PCDH17: variants seen among roughly 807,000 people sequenced by gnomAD.
The protein encoded by PCDH17 is protocadherin 17.
A neutral mutation model predicts 67.7 loss-of-function variants in PCDH17; 21 were observed. That is an observed-to-expected ratio of 0.31 (90% CI 0.22 to 0.45). The LOEUF (loss-of-function observed/expected upper bound fraction) is 0.45. Among genes scored for constraint, PCDH17 ranks in the 20% least tolerant of loss-of-function variants. The pLI, the probability that PCDH17 is intolerant of heterozygous loss-of-function variation, is 1.00. For synonymous variants in PCDH17, 701 were observed against 656.7 expected, an observed-to-expected ratio of 1.07 and a Z score of -1.03; for missense variants, 1,471 against 1,564.8, an observed-to-expected ratio of 0.94 and a Z score of 1.01.
chr13:57,721,588 A>G (rs1566248797), intron 3 of PCDH17, among the ~76,000 whole-genome samples: 1 of 152,158 alleles, frequency 6.6e-6, no homozygotes, highest in Non-Finnish European at 1.5e-5. Context: ...GCACTTAAAA[A>G]TGTGCAATAG....
chr13:57,640,734 G>T (rs1222346647), intron 1 of PCDH17, among the ~76,000 whole-genome samples: 1 of 152,038 alleles, frequency 6.6e-6, no homozygotes, highest in East Asian at 1.9e-4. Flanking sequence ...CTGGAAGCAT[G>T]TGAGAATGTA....
intron 3 of PCDH17, among the ~76,000 whole-genome samples, chr13:57,716,218 A>C (rs1242435765): frequency 3.3e-5 from 5 of 152,020 alleles, no homozygotes; most frequent in Non-Finnish European, 7.4e-5. Flanking sequence ...TTTCCAATCA[A>C]CCACCGAAAT....
chr13:57,685,570 C>T (rs1955497231), intron 3 of PCDH17, among the ~76,000 whole-genome samples: 1 of 151,870 alleles, frequency 6.6e-6, no homozygotes, highest in Non-Finnish European at 1.5e-5. Flanking sequence ...GAATACCAGT[C>T]TAAAAATTAT....
Position 57,724,796 on chromosome 13 carries a change from GA to G in PCDH17, c.2987del (p.Lys996ArgfsTer24). The G allele has an allele frequency of 1.2e-6, 2 of 1,614,118 alleles. No homozygotes were observed. Among genetic ancestry groups the G allele is most frequent in the Non-Finnish European group, 1.7e-6 (2 of 1,180,018 alleles). ...CTTACGAAACTGTGAATCCCACTGGGAAAAAGACTTTTTGTACATTTGGAAA... is the reference window on the plus strand; with the variant it reads ...CTTACGAAACTGTGAATCCCACTGGGAAAAGACTTTTTGTACATTTGGAAA... ...ETYETVNPTG[K>X]KTFCTFGKDK... On this transcript the variant is annotated frameshift_variant, in exon 4 of 4. Coordinates refer to ENST00000377918, the MANE Select transcript of PCDH17 (RefSeq NM_001040429.3). LOFTEE classifies it high-confidence loss of function.
At chr13:57,705,194 A>T (rs551919817) in intron 3 of PCDH17, among the ~76,000 whole-genome samples, 3 of 152,060 alleles carry the variant, frequency 2.0e-5, no homozygotes, top group South Asian at 2.1e-4. Flanking sequence ...AATAACCCAT[A>T]TTGCTAATAT....
intron 3 of PCDH17, among the ~76,000 whole-genome samples, chr13:57,684,910 A>C (rs1015034578): frequency 3.3e-5 from 5 of 152,004 alleles, no homozygotes; most frequent in Non-Finnish European, 5.9e-5. Flanking sequence ...TTCTTCTAAC[A>C]TAACCAAATT....
At chr13:57,649,340 T>G (rs1211118359) in intron 1 of PCDH17, among the ~76,000 whole-genome samples, 2 of 152,126 alleles carry the variant, frequency 1.3e-5, no homozygotes, top group Admixed American at 1.3e-4. Context: ...ACAGGGAAGC[T>G]TTTCCTAAAG....
chr13:57,718,296 T>A (rs1286988935), intron 3 of PCDH17, among the ~76,000 whole-genome samples: 1 of 151,972 alleles, frequency 6.6e-6, no homozygotes, highest in Non-Finnish European at 1.5e-5. Flanking sequence ...TCCAGGAAAT[T>A]TGTAATATTA....
chr13:57,717,844 ATAG>A (rs1172647205), intron 3 of PCDH17, among the ~76,000 whole-genome samples: 2 of 152,000 alleles, frequency 1.3e-5, no homozygotes, highest in Non-Finnish European at 2.9e-5. Context: ...ATTTTTTCTC[ATAG>A]TAGTTTTATT....
At chr13:57,702,776 C>A (rs1438608096) in intron 3 of PCDH17, among the ~76,000 whole-genome samples, 1 of 152,076 alleles carries the variant, frequency 6.6e-6, no homozygotes, top group Non-Finnish European at 1.5e-5. Flanking sequence ...CCCACATAGA[C>A]CCATAGGAGA....
Position 57,634,829 on chromosome 13 carries a change from G to C in PCDH17, c.2283G>C (p.Lys761Asn). ...GTGGGGGCAAGGGCAAGAAGAAGAA[G>C]ATCAACAAAAATGATATCATGCTGG... is the stretch of plus-strand genomic sequence containing the variant. Reference protein sequence around the residue: ...QLGGGKGKKKKINKNDIMLVQ... With the variant: ...QLGGGKGKKKNINKNDIMLVQ... The change falls in exon 1 of 4, where the codon AAG becomes AAC. Residue 761 changes from lysine to asparagine, a missense_variant. Lys to Asn is a moderately conservative substitution (Grantham distance 94). Coordinates refer to ENST00000377918, the MANE Select transcript of PCDH17 (RefSeq NM_001040429.3). The surrounding 1 kb of genome is among the most constrained non-coding windows in gnomAD (Gnocchi z 7.8). 1 of 1,614,100 alleles carries C rather than the reference G, an allele frequency of 6.2e-7. No homozygotes were observed. The highest frequency in any genetic ancestry group is 8.5e-7 in the Non-Finnish European group (1 of 1,180,030).
chr13:57,705,176 C>T (rs1003240701), intron 3 of PCDH17, among the ~76,000 whole-genome samples: 1 of 151,722 alleles, frequency 6.6e-6, no homozygotes, highest in African/African-American at 2.4e-5. Flanking sequence ...TTGAGAAATG[C>T]CTTTGCTAAT....
chr13:57,696,641 G>T (rs1431307082), intron 3 of PCDH17, among the ~76,000 whole-genome samples: 3 of 151,366 alleles, frequency 2.0e-5, no homozygotes, highest in African/African-American at 7.3e-5. Context: ...ACATTTCAAA[G>T]AATTAGTAAT....
chr13:57,638,275 A>G (rs940621965), intron 1 of PCDH17, among the ~76,000 whole-genome samples: 2 of 152,064 alleles, frequency 1.3e-5, no homozygotes, highest in Non-Finnish European at 2.9e-5. Flanking sequence ...TAAAGAGTTT[A>G]TTACTAGTTC....
At chr13:57,672,805 A>G (rs1322209710) in intron 3 of PCDH17, among the ~76,000 whole-genome samples, 1 of 151,926 alleles carries the variant, frequency 6.6e-6, no homozygotes, top group Non-Finnish European at 1.5e-5. Flanking sequence ...CCTTCCCATA[A>G]CAGACAACAG....
chr13:57,635,238 G>T (rs1282104999), intron 1 of PCDH17, 127 bp downstream of exon 1: 3 of 948,390 alleles, frequency 3.2e-6, no homozygotes, highest in East Asian at 2.5e-5. Context: ...AAATGAAAAC[G>T]GTTTACACTT....
chr13:57,721,299 A>G (rs1027545633), intron 3 of PCDH17, among the ~76,000 whole-genome samples: 1 of 152,142 alleles, frequency 6.6e-6, no homozygotes, highest in Non-Finnish European at 1.5e-5. Context: ...GAACCTGAAG[A>G]AAAAAGTGAA....
At chr13:57,651,870 A>G (rs1955044939) in intron 1 of PCDH17, among the ~76,000 whole-genome samples, 1 of 152,194 alleles carries the variant, frequency 6.6e-6, no homozygotes. Context: ...AAATTACATA[A>G]AACATTCTGG....
chr13:57,682,495 T>A (rs1188786983), intron 3 of PCDH17, among the ~76,000 whole-genome samples: 1 of 151,788 alleles, frequency 6.6e-6, no homozygotes, highest in Non-Finnish European at 1.5e-5. Flanking sequence ...CAGTGTAAAC[T>A]TTTAACCTTG....
Sources: gnomAD v4.1 joint callset for allele counts (sites outside exome capture counted in the v4.1 genomes callset) on GRCh38, gnomAD v4.1.1 for gene constraint, Gnocchi (gnomAD v3.1) non-coding constraint, MANE v1.5 for transcripts, NCBI Gene and HGNC (gene_info 2026-07-23, HGNC 2026-07-21) for gene names.